Variants in NEGR1 observed in about 807,000 individuals in gnomAD.
NEGR1 encodes the protein neuronal growth regulator 1.
Under a neutral mutation model 40.9 loss-of-function variants are expected in NEGR1, and 10 were observed. The observed-to-expected ratio is 0.24, with a 90% CI of 0.15 to 0.42. The LOEUF (loss-of-function observed/expected upper bound fraction) is 0.42. Ranked by LOEUF, NEGR1 falls within the 10% of genes least tolerant of loss-of-function variation. NEGR1 has a pLI of 1.00. For synonymous variants in NEGR1, 185 were observed against 166.8 expected, an observed-to-expected ratio of 1.11 and a Z score of -0.84; for missense variants, 352 against 438.9, an observed-to-expected ratio of 0.80 and a Z score of 1.77.
In NEGR1 at chr1:71,937,628, T is replaced by C. The variant is rs1453947268; in HGVS notation, c.177-2317A>G. The stretch of plus-strand genomic sequence containing the variant: ...GTTGAATTCATAATCAAGTCTTCTC[T>C]TTCCACATTCAACATCCTTTCCACT... On this transcript the variant is annotated intron_variant, in intron 1 of 6. Coordinates refer to ENST00000357731, the MANE Select transcript of NEGR1 (RefSeq NM_173808.3). 2.6e-5 allele frequency among the ~76,000 whole-genome samples: 4 copies of C among 152,354 alleles called. No individual in the cohort carries two copies. In the East Asian group the frequency reaches 7.7e-4, roughly 29 times the overall value.
chr1:72,238,094 C>G (rs1429087263), intron 1 of NEGR1, among the ~76,000 whole-genome samples: 1 of 151,838 alleles, frequency 6.6e-6, no homozygotes, highest in Non-Finnish European at 1.5e-5. Flanking sequence ...AATTGATTAA[C>G]TTTCATCAAT....
intron 2 of NEGR1, among the ~76,000 whole-genome samples, chr1:71,904,855 G>A (rs1661233864): frequency 1.3e-5 from 2 of 152,240 alleles, no homozygotes; most frequent in South Asian, 4.1e-4. Flanking sequence ...TGATTTGACA[G>A]TCAGCAGTGT....
rs1455579955 is a variant in NEGR1, at chr1:72,167,640, AGAT to A, written c.176+114676_176+114678del. On this transcript the variant is annotated intron_variant, in intron 1 of 6. Transcript: ENST00000357731. ...CACTGTAGAACTGTCCTCTGATTTG[AGAT>A]TTCTTGAGTATTTTCAACAACAACA... 8.5e-5 allele frequency among the ~76,000 whole-genome samples: 13 copies of A among 152,140 alleles called. No homozygotes were observed. The East Asian group carries it at 2.3e-3, about 27-fold the overall frequency.
At chr1:71,448,162 A>G (rs968592716) in intron 6 of NEGR1, among the ~76,000 whole-genome samples, 1 of 152,104 alleles carries the variant, frequency 6.6e-6, no homozygotes, top group African/African-American at 2.4e-5. Flanking sequence ...GGTCAGTGTT[A>G]AAAGGAAAGG....
intron 1 of NEGR1, among the ~76,000 whole-genome samples, chr1:72,230,451 T>C (rs1331671175): frequency 6.6e-6 from 1 of 152,118 alleles, no homozygotes. Context: ...AGGTTTCAAA[T>C]TCATTTCACA....
chr1:72,202,963 T>C (rs1428484859), intron 1 of NEGR1, among the ~76,000 whole-genome samples: 1 of 151,610 alleles, frequency 6.6e-6, no homozygotes, highest in Non-Finnish European at 1.5e-5. Flanking sequence ...TTGAGACTAC[T>C]TCTCAGAAAA....
chr1:72,268,429 G>A (rs1023491974), intron 1 of NEGR1, among the ~76,000 whole-genome samples: 1 of 151,396 alleles, frequency 6.6e-6, no homozygotes, highest in African/African-American at 2.4e-5. Context: ...AAATCCGCAC[G>A]TAAGTTTTTT....
intron 3 of NEGR1, among the ~76,000 whole-genome samples, chr1:71,737,973 T>C (rs1460597070): frequency 6.6e-6 from 1 of 152,112 alleles, no homozygotes; most frequent in Non-Finnish European, 1.5e-5. Flanking sequence ...GGTACATGAG[T>C]TCAGCTTTCC....
At chr1:71,420,176 A>C (rs1646385431) in intron 6 of NEGR1, among the ~76,000 whole-genome samples, 2 of 152,104 alleles carry the variant, frequency 1.3e-5, no homozygotes, top group African/African-American at 4.8e-5. Context: ...TGGTTCCTTC[A>C]GGCACAAAAC....
intron 6 of NEGR1, among the ~76,000 whole-genome samples, chr1:71,569,684 T>C (rs1648748388): frequency 6.6e-6 from 1 of 152,194 alleles, no homozygotes; most frequent in Non-Finnish European, 1.5e-5. Flanking sequence ...AGATGATAAA[T>C]ATCTGGTGCT....
intron 1 of NEGR1, among the ~76,000 whole-genome samples, chr1:72,003,066 A>C (rs1337342478): frequency 1.3e-5 from 2 of 152,164 alleles, no homozygotes; most frequent in African/African-American, 4.8e-5. Flanking sequence ...AAACCAAAAA[A>C]CAGTGATTTA....
chr1:71,772,793 T>C (rs1487764951), intron 3 of NEGR1, among the ~76,000 whole-genome samples: 2 of 152,140 alleles, frequency 1.3e-5, no homozygotes, highest in African/African-American at 4.8e-5. Context: ...GTGAAATATA[T>C]ATATGTATAT....
At chr1:71,514,820 C>A (rs1418727717) in intron 6 of NEGR1, among the ~76,000 whole-genome samples, 2 of 96,488 alleles carry the variant, frequency 2.1e-5, no homozygotes, top group African/African-American at 9.8e-5. Flanking sequence ...AAGTTGAAAA[C>A]TTCGAAAAAA....
intron 4 of NEGR1, among the ~76,000 whole-genome samples, chr1:71,671,284 T>C (rs1160198870): frequency 6.6e-6 from 1 of 152,094 alleles, no homozygotes; most frequent in East Asian, 1.9e-4. Flanking sequence ...CTAACTCACT[T>C]GGACACACTG....
intron 1 of NEGR1, among the ~76,000 whole-genome samples, chr1:72,102,955 A>T (rs1403054248): frequency 6.6e-6 from 1 of 152,108 alleles, no homozygotes; most frequent in Non-Finnish European, 1.5e-5. Context: ...ATCAAAACAA[A>T]GTCAATAGAT....
chr1:72,200,208 T>C (rs1386132927), intron 1 of NEGR1, among the ~76,000 whole-genome samples: 4 of 151,858 alleles, frequency 2.6e-5, no homozygotes, highest in Non-Finnish European at 5.9e-5. Context: ...CACCAAAAAG[T>C]CACATGCACT....
chr1:72,070,420 A>G (rs1647412288), intron 1 of NEGR1, among the ~76,000 whole-genome samples: 1 of 151,998 alleles, frequency 6.6e-6, no homozygotes, highest in African/African-American at 2.4e-5. Flanking sequence ...AATATTAGAT[A>G]TCAATAGTAA....
At chr1:71,744,872 A>G (rs1292015358) in intron 3 of NEGR1, among the ~76,000 whole-genome samples, 3 of 152,230 alleles carry the variant, frequency 2.0e-5, no homozygotes, top group Admixed American at 6.5e-5. Context: ...AAATAGTTTT[A>G]TCATAAATAC....
At chr1:72,192,794 A>G (rs1281150010) in intron 1 of NEGR1, among the ~76,000 whole-genome samples, 2 of 151,874 alleles carry the variant, frequency 1.3e-5, no homozygotes, top group African/African-American at 2.4e-5. Context: ...TCATATCCAG[A>G]TATTTATAAA....
Sources: allele counts gnomAD v4.1 joint callset (sites outside exome capture counted in the v4.1 genomes callset), GRCh38; gene constraint gnomAD v4.1.1; transcripts MANE v1.5; gene names NCBI Gene and HGNC (gene_info 2026-07-23, HGNC 2026-07-21).